Variants in ROBO2 observed in about 807,000 individuals in gnomAD.
ROBO2 encodes roundabout homolog 2.
In ROBO2, 53 loss-of-function variants were observed where a neutral mutation model predicts 160.8. The observed-to-expected ratio is 0.33, with a 90% confidence interval of 0.26 to 0.41. The LOEUF (loss-of-function observed/expected upper bound fraction) is 0.41, where lower values mean the gene tolerates loss of function less well. ROBO2 is among the 10% of genes least tolerant of loss of function. The probability of loss-of-function intolerance (pLI) is 1.00; values close to 1 mark genes in which losing one functional copy is unlikely to be tolerated. For missense variants in ROBO2, 1,577 were observed against 1,722.4 expected (o/e 0.92, Z 1.49); for synonymous variants, 664 against 611.7 (o/e 1.09, Z -1.26).
intron 2 of ROBO2, among the ~76,000 whole-genome samples, chr3:76,688,627 G>GT (rs1560379857): frequency 6.6e-6 from 1 of 151,426 alleles, no homozygotes; most frequent in Admixed American, 6.6e-5. Flanking sequence ...GTGTGTGTGT[G>GT]CATGCAAGAA....
intron 2 of ROBO2, among the ~76,000 whole-genome samples, chr3:76,166,824 T>C (rs567689588): frequency 2.0e-5 from 3 of 152,356 alleles, no homozygotes; most frequent in Non-Finnish European, 2.9e-5. Context: ...CTGACTTCCC[T>C]CTATAAAATT....
At chr3:77,076,866 C>T (rs1216634435) in intron 1 of ROBO2, among the ~76,000 whole-genome samples, 3 of 151,936 alleles carry the variant, frequency 2.0e-5, no homozygotes, top group Non-Finnish European at 2.9e-5. Flanking sequence ...TGGATATAAG[C>T]AAACTGATAC....
intron 2 of ROBO2, among the ~76,000 whole-genome samples, chr3:76,673,781 A>G (rs181660253): frequency 1.3e-5 from 2 of 152,146 alleles, no homozygotes; most frequent in Admixed American, 1.3e-4. Flanking sequence ...GTGCAAGTCA[A>G]GAATAAATAA....
chr3:76,792,901 G>C (rs2108752023), intron 2 of ROBO2, among the ~76,000 whole-genome samples: 1 of 151,820 alleles, frequency 6.6e-6, no homozygotes, highest in East Asian at 1.9e-4. Flanking sequence ...TTTTGAAAGT[G>C]TTGAGTTTAC....
At chr3:77,326,854 T>A (rs796265625) in intron 2 of ROBO2, among the ~76,000 whole-genome samples, 18 of 152,320 alleles carry the variant, frequency 1.2e-4, no homozygotes, top group African/African-American at 4.3e-4. Flanking sequence ...TGGACGTACC[T>A]TTCATTTGTT....
At chr3:76,825,743 A>G (rs1047284144) in intron 2 of ROBO2, among the ~76,000 whole-genome samples, 4 of 151,826 alleles carry the variant, frequency 2.6e-5, no homozygotes, top group African/African-American at 9.7e-5. Flanking sequence ...TAGTGAGAAA[A>G]CGAAAACCAA....
intron 17 of ROBO2, among the ~76,000 whole-genome samples, chr3:77,592,189 T>G (rs1465951927): frequency 6.6e-6 from 1 of 152,238 alleles, no homozygotes; most frequent in South Asian, 2.1e-4. Context: ...AAATGGAAAT[T>G]TAGATTGTGT....
intron 2 of ROBO2, among the ~76,000 whole-genome samples, chr3:76,355,504 C>G (rs1278680056): frequency 1.3e-5 from 2 of 151,672 alleles, no homozygotes; most frequent in African/African-American, 4.8e-5. Context: ...TGGATGGCAA[C>G]TGGTTGAGCT....
At chr3:76,317,047 A>G (rs2072093027) in intron 2 of ROBO2, among the ~76,000 whole-genome samples, 1 of 152,246 alleles carries the variant, frequency 6.6e-6, no homozygotes, top group Non-Finnish European at 1.5e-5. Flanking sequence ...GACACTTTAC[A>G]TAGATAAGAA....
At chr3:76,832,184 GAATT>G (rs761876842) in intron 2 of ROBO2, among the ~76,000 whole-genome samples, 73 of 152,196 alleles carry the variant, frequency 4.8e-4, no homozygotes, top group African/African-American at 1.6e-3. Context: ...ACAAATCAAT[GAATT>G]AATTAAAGTG....
intron 2 of ROBO2, among the ~76,000 whole-genome samples, chr3:77,150,956 G>A (rs2077503267): frequency 1.3e-5 from 2 of 152,062 alleles, no homozygotes; most frequent in African/African-American, 2.4e-5. Flanking sequence ...TCAAGACATA[G>A]CAGTTACCAG....
chr3:76,648,107 T>G (rs2091070339), intron 2 of ROBO2, among the ~76,000 whole-genome samples: 1 of 152,134 alleles, frequency 6.6e-6, no homozygotes, highest in Non-Finnish European at 1.5e-5. Context: ...AGCATGTTTT[T>G]GGGATATTAG....
At chr3:77,451,623 A>G (rs1238615592) in intron 2 of ROBO2, among the ~76,000 whole-genome samples, 1 of 152,092 alleles carries the variant, frequency 6.6e-6, no homozygotes, top group East Asian at 1.9e-4. Context: ...CTCTTTGACT[A>G]TTCCACCATT....
intron 2 of ROBO2, among the ~76,000 whole-genome samples, chr3:76,034,578 A>G (rs1423654580): frequency 1.3e-5 from 2 of 152,160 alleles, no homozygotes; most frequent in Admixed American, 1.3e-4. Flanking sequence ...GTGTGTTAGA[A>G]TGTTTTTGTG....
intron 2 of ROBO2, among the ~76,000 whole-genome samples, chr3:77,311,782 A>G (rs1041071608): frequency 6.6e-6 from 1 of 152,136 alleles, no homozygotes; most frequent in Non-Finnish European, 1.5e-5. Flanking sequence ...CTTTTCATAC[A>G]TCACTCAAAA....
At chr3:76,542,259 G>T (rs1193965855) in intron 2 of ROBO2, among the ~76,000 whole-genome samples, 2 of 152,072 alleles carry the variant, frequency 1.3e-5, no homozygotes, top group Middle Eastern at 3.2e-3. Context: ...GTCTTATAGG[G>T]TCTAGTGATG....
At chr3:77,558,808 A>G (rs2093222886) in intron 9 of ROBO2, among the ~76,000 whole-genome samples, 1 of 152,234 alleles carries the variant, frequency 6.6e-6, no homozygotes, top group African/African-American at 2.4e-5. Flanking sequence ...ATCTATTATT[A>G]TGGAACAATA....
chr3:77,540,284 A>G (rs1429241118), intron 6 of ROBO2, among the ~76,000 whole-genome samples: 1 of 152,214 alleles, frequency 6.6e-6, no homozygotes, highest in Non-Finnish European at 1.5e-5. Flanking sequence ...TCTTTGTAGC[A>G]TATTGGAAAT....
chr3:76,180,955 C>T (rs1701474533), intron 2 of ROBO2, among the ~76,000 whole-genome samples: 1 of 152,090 alleles, frequency 6.6e-6, no homozygotes, highest in Admixed American at 6.6e-5. Context: ...GCTCCTAAAG[C>T]GAGTCAACCT....
Sources: allele counts gnomAD v4.1 joint callset (sites outside exome capture counted in the v4.1 genomes callset), GRCh38; gene constraint gnomAD v4.1.1; transcripts MANE v1.5; gene names NCBI Gene and HGNC (gene_info 2026-07-23, HGNC 2026-07-21).